AK8: variants seen among roughly 807,000 people sequenced by gnomAD.
AK8 encodes ATP-AMP transphosphorylase 8.
In AK8, 44 loss-of-function variants were observed where a neutral mutation model predicts 54.6. The ratio of observed to expected loss-of-function variants is 0.81; its 90% CI spans 0.63 to 1.04. The LOEUF (loss-of-function observed/expected upper bound fraction) is 1.04. Among genes scored for constraint, AK8 ranks in the 50% least tolerant of loss-of-function variants. The pLI is 0.00. For missense variants in AK8, 555 were observed against 613.6 expected, an observed-to-expected ratio of 0.90 and a Z score of 1.01; for synonymous variants, 239 against 245.6, an observed-to-expected ratio of 0.97 and a Z score of 0.25.
intron 11 of AK8, among the ~76,000 whole-genome samples, chr9:132,752,254 T>A (rs1837964215): frequency 6.7e-6 from 1 of 149,468 alleles, no homozygotes; most frequent in Admixed American, 6.6e-5. Flanking sequence ...TTTCTAACTT[T>A]TTTTTTTTTT....
In AK8 at chr9:132,873,440, G is replaced by A. The variant is rs1299315325; in HGVS notation, c.169+1675C>T. ...GTCCCTGACAGTGGGGAGGGAGGTG[G>A]GGGGGTGGCAGGACAGAGGACTGTG... On this transcript the variant is annotated intron_variant, in intron 2 of 12. Coordinates refer to ENST00000298545, the MANE Select transcript of AK8 (RefSeq NM_152572.3). 7.2e-5 allele frequency among the ~76,000 whole-genome samples: 11 copies of A among 152,258 alleles called. No homozygotes were observed. In the East Asian group the frequency reaches 2.1e-3, roughly 29 times the overall value.
At position 132,791,357 on chromosome 9, in the gene AK8, T is replaced by G. The variant is rs1839939871; in HGVS notation, c.1121+1277A>C. Among the ~76,000 whole-genome samples the G allele has an allele frequency of 6.6e-6, 1 of 152,102 alleles. No homozygotes were observed. Among genetic ancestry groups the G allele is most frequent in the Non-Finnish European group, 1.5e-5 (1 of 68,024 alleles). Reference sequence around the variant, plus strand: ...ATCCGATCACCTCTCACCAGGTCCCTCCCTAACATGTGGGGATTATAGTTC... The same window carrying G: ...ATCCGATCACCTCTCACCAGGTCCCGCCCTAACATGTGGGGATTATAGTTC... On this transcript the variant is annotated intron_variant, in intron 11 of 12. Coordinates refer to ENST00000298545, the MANE Select transcript of AK8 (RefSeq NM_152572.3). This position sits in a 1 kb window ranked among gnomAD's most constrained non-coding sequence, Gnocchi z 4.0.
At chr9:132,737,430 T>G (rs1190237342) in intron 11 of AK8, among the ~76,000 whole-genome samples, 1 of 152,158 alleles carries the variant, frequency 6.6e-6, no homozygotes, top group African/African-American at 2.4e-5. Flanking sequence ...ACAAAGACAT[T>G]AAAACTACAG....
chr9:132,873,775 G>A (rs958429167), intron 2 of AK8, among the ~76,000 whole-genome samples: 1 of 152,116 alleles, frequency 6.6e-6, no homozygotes, highest in South Asian at 2.1e-4. Flanking sequence ...CTGGCAAATG[G>A]AGTCAGTGAG....
chr9:132,853,370 A>AAG (rs1843046697), intron 5 of AK8, among the ~76,000 whole-genome samples: 1 of 151,224 alleles, frequency 6.6e-6, no homozygotes, highest in Admixed American at 6.6e-5. Flanking sequence ...AAAAAAAAAA[A>AAG]AAGAAAAGAA....
intron 10 of AK8, among the ~76,000 whole-genome samples, chr9:132,794,541 T>G (rs922414043): frequency 6.6e-6 from 1 of 152,226 alleles, no homozygotes; most frequent in Non-Finnish European, 1.5e-5. Flanking sequence ...CTTGCCACCC[T>G]TGTTATCACA....
chr9:132,828,121 C>T (rs1273945675), intron 6 of AK8, 37 bp from the exon 7 acceptor site: 13 of 1,542,502 alleles, frequency 8.4e-6, no homozygotes, highest in East Asian at 4.9e-5. Flanking sequence ...CCAGGCATGT[C>T]GGGCAGCGGG....
chr9:132,792,794 A>T lies in AK8; in HGVS notation c.980-19T>A, dbSNP rs377001051. On this transcript the variant is annotated intron_variant, in intron 10 of 12. Transcript: ENST00000298545. ...TCAGGAACTGCAGAGAAGGGGGGCAAGTGAGTACCCTGCTGGCCGGCAGCC... is the reference window on the plus strand; with the variant it reads ...TCAGGAACTGCAGAGAAGGGGGGCATGTGAGTACCCTGCTGGCCGGCAGCC... 28 of 1,551,964 alleles carry T rather than the reference A, an allele frequency of 1.8e-5. No individual in the cohort carries two copies. Among genetic ancestry groups the T allele is most frequent in the Non-Finnish European group, 2.4e-5 (27 of 1,146,490 alleles).
chr9:132,733,602 G>A (rs867655), intron 11 of AK8, among the ~76,000 whole-genome samples: 29,492 of 152,224 alleles, frequency 0.19, 3,320 homozygotes, highest in East Asian at 0.4. Flanking sequence ...GCCTCGCTGC[G>A]GAGGGCCCTG....
intron 11 of AK8, among the ~76,000 whole-genome samples, chr9:132,766,644 A>G (rs568285348): frequency 7.2e-5 from 11 of 152,224 alleles, no homozygotes; most frequent in Non-Finnish European, 1.6e-4. Flanking sequence ...ATAGAAAAAA[A>G]AAACTTAAAA....
chr9:132,816,702 G>A (rs1473656912), intron 9 of AK8, among the ~76,000 whole-genome samples: 5 of 152,180 alleles, frequency 3.3e-5, no homozygotes, highest in African/African-American at 1.2e-4. Flanking sequence ...TAGAGTCATT[G>A]GACAACAGAG....
intron 11 of AK8, among the ~76,000 whole-genome samples, chr9:132,737,535 C>T (rs1837178575): frequency 6.6e-6 from 1 of 152,140 alleles, no homozygotes. Context: ...TAATACATCA[C>T]AACCAAGTGG....
At chr9:132,848,198 T>TATGCAAG (rs1201033858) in intron 5 of AK8, among the ~76,000 whole-genome samples, 1 of 150,348 alleles carries the variant, frequency 6.7e-6, no homozygotes, top group African/African-American at 2.4e-5. Flanking sequence ...GGTGATCTGC[T>TATGCAAG]ATGCAAGAGT....
chr9:132,816,768 A>G (rs1841348227), intron 9 of AK8, among the ~76,000 whole-genome samples: 1 of 152,236 alleles, frequency 6.6e-6, no homozygotes, highest in Non-Finnish European at 1.5e-5. Flanking sequence ...CCCCATAGTC[A>G]TCCTGGATTT....
At chr9:132,835,208 A>G (rs1037491244) in intron 5 of AK8, among the ~76,000 whole-genome samples, 14 of 152,214 alleles carry the variant, frequency 9.2e-5, no homozygotes, top group Non-Finnish European at 1.5e-5. Flanking sequence ...AGTTAAAAAA[A>G]ATTTAAATTC....
chr9:132,738,123 G>A (rs1837203682), intron 11 of AK8, among the ~76,000 whole-genome samples: 1 of 151,712 alleles, frequency 6.6e-6, no homozygotes. Flanking sequence ...GCACAATCTC[G>A]GCTCACTGCA....
intron 10 of AK8, among the ~76,000 whole-genome samples, chr9:132,795,827 C>T (rs936672672): frequency 3.9e-5 from 6 of 152,112 alleles, no homozygotes; most frequent in East Asian, 3.8e-4. Context: ...ATGGTTTGAC[C>T]GGGCCTAGGA....
chr9:132,872,181 T>A (rs1210535759), intron 2 of AK8, among the ~76,000 whole-genome samples: 1 of 151,724 alleles, frequency 6.6e-6, no homozygotes, highest in East Asian at 1.9e-4. Context: ...AAAAAATTTT[T>A]AAAAATTAGC....
chr9:132,849,994 G>C (rs1842906874), intron 5 of AK8, among the ~76,000 whole-genome samples: 1 of 151,592 alleles, frequency 6.6e-6, no homozygotes, highest in East Asian at 1.9e-4. Context: ...TGATCTTCCT[G>C]CCTCAGCCTC....
Sources: gnomAD v4.1 joint callset for allele counts (sites outside exome capture counted in the v4.1 genomes callset) on GRCh38, gnomAD v4.1.1 for gene constraint, Gnocchi (gnomAD v3.1) non-coding constraint, MANE v1.5 for transcripts, NCBI Gene and HGNC (gene_info 2026-07-23, HGNC 2026-07-21) for gene names.